Variants in DYSF observed in about 807,000 individuals in gnomAD.
The protein encoded by DYSF is dystrophy-associated fer-1-like 1.
DYSF carries 212 observed loss-of-function variants against 274.9 expected under a neutral mutation model. The observed-to-expected ratio is 0.77, with a 90% CI of 0.69 to 0.86. The LOEUF is 0.86. DYSF is among the 40% of genes least tolerant of loss of function. The pLI is 0.00. For missense variants in DYSF, 2,666 were observed against 2,783.2 expected (o/e 0.96, Z 0.95); for synonymous variants, 1,091 against 1,078.7 (o/e 1.01, Z -0.22).
intron 32 of DYSF, among the ~76,000 whole-genome samples, chr2:71,593,125 C>CTT (rs35900869): frequency 0.014 from 1,206 of 85,472 alleles, 18 homozygotes; most frequent in African/African-American, 0.02. Context: ...TCAGTGACTT[C>CTT]TTTTTTTTTT....
intron 19 of DYSF, 100 bp from the exon 20 acceptor site, chr2:71,552,911 G>A: frequency 1.6e-6 from 2 of 1,258,222 alleles, no homozygotes; most frequent in Non-Finnish European, 1.1e-6. Context: ...GCTATTGGGT[G>A]CCGGTTATGG....
chr2:71,565,186 T>C (rs2092006725), intron 24 of DYSF, among the ~76,000 whole-genome samples: 2 of 151,416 alleles, frequency 1.3e-5, no homozygotes, highest in Non-Finnish European at 2.9e-5. Flanking sequence ...GTTCAAGGGA[T>C]TCTCCTCCCT....
chr2:71,536,724 T>C (rs2089381561), intron 16 of DYSF, among the ~76,000 whole-genome samples: 1 of 152,184 alleles, frequency 6.6e-6, no homozygotes, highest in African/African-American at 2.4e-5. Flanking sequence ...ATTTTTATTG[T>C]GAGTCTATTT....
intron 45 of DYSF, 67 bp downstream of exon 45, chr2:71,660,718 G>T: frequency 7.4e-7 from 1 of 1,352,652 alleles, no homozygotes; most frequent in Non-Finnish European, 1.1e-6. Context: ...TCTAGTGGGG[G>T]AGATGTGACT....
Position 71,466,847 on chromosome 2 carries a change from T to C in DYSF, c.5T>C (p.Leu2Pro). MLCCLLVRASNL... is the reference protein window; with the variant it reads MPCCLLVRASNL... ...TGCCGCCGGGGCTGCCCAGCCATGC[T>C]GTGCTGCCTGCTGGTGAGGGCCAGC... is the stretch of plus-strand genomic sequence containing the variant. Residue 2 changes from leucine (L) to proline (P), a missense_variant, in exon 1 of 56, where the codon CTG (leucine) becomes CCG (proline). Leu to Pro is a moderately conservative substitution (Grantham distance 98). Coordinates refer to ENST00000410020, the MANE Select transcript of DYSF (RefSeq NM_001130987.2). 3 of 1,531,564 alleles carry C rather than the reference T, an allele frequency of 2.0e-6. No homozygotes were observed. The highest frequency in any genetic ancestry group is 2.6e-6 in the Non-Finnish European group (3 of 1,132,128). The allele number at this position is 1,531,564 out of a possible 1,614,324, so 94.9% of individuals were successfully genotyped here. A position where few individuals can be genotyped will look rare whatever the true frequency, so the allele number is the denominator to read the frequency against.
chr2:71,517,437 C>T (rs2086777197), intron 10 of DYSF, among the ~76,000 whole-genome samples: 1 of 152,180 alleles, frequency 6.6e-6, no homozygotes, highest in Admixed American at 6.5e-5. Context: ...TTTCAGACCT[C>T]CTGAGAATGA....
At chr2:71,535,820 C>T (rs1184563203) in intron 16 of DYSF, among the ~76,000 whole-genome samples, 2 of 152,154 alleles carry the variant, frequency 1.3e-5, no homozygotes, top group Admixed American at 1.3e-4. Flanking sequence ...GACAGCAGCT[C>T]ACGGGCGTCT....
intron 12 of DYSF, among the ~76,000 whole-genome samples, chr2:71,524,206 T>C (rs1438979183): frequency 6.6e-6 from 1 of 152,234 alleles, no homozygotes; most frequent in Non-Finnish European, 1.5e-5. Flanking sequence ...GGAAAATGTA[T>C]TGGTCTTTCC....
intron 41 of DYSF, among the ~76,000 whole-genome samples, chr2:71,630,078 T>C (rs1185569321): frequency 2.0e-5 from 3 of 152,172 alleles, no homozygotes; most frequent in Admixed American, 6.5e-5. Flanking sequence ...TTCTTTTTTT[T>C]CCTTGTGTTT....
chr2:71,500,369 C>T (rs1238084874), intron 3 of DYSF, among the ~76,000 whole-genome samples: 1 of 152,176 alleles, frequency 6.6e-6, no homozygotes, highest in Non-Finnish European at 1.5e-5. Flanking sequence ...ATTTCCAGCC[C>T]TTCCTTCTAC....
chr2:71,589,049 T>C (rs1024730473), intron 30 of DYSF, among the ~76,000 whole-genome samples: 1 of 152,196 alleles, frequency 6.6e-6, no homozygotes, highest in African/African-American at 2.4e-5. Flanking sequence ...CGAGCCTGAC[T>C]GTCCACCCAC....
intron 16 of DYSF, among the ~76,000 whole-genome samples, chr2:71,536,414 CA>C (rs2089342871): frequency 6.6e-6 from 1 of 152,232 alleles, no homozygotes; most frequent in Non-Finnish European, 1.5e-5. Context: ...GGAGAGGCCG[CA>C]AGGGCAGCGA....
chr2:71,513,918 C>T lies in DYSF; in HGVS notation c.756C>T (p.Phe252=). The T allele has an allele frequency of 6.2e-7, 1 of 1,614,158 alleles. No individual in the cohort carries two copies. Residue 252 remains phenylalanine (F), a synonymous_variant, in exon 7 of 56, where the codon TTC becomes TTT. Transcript: ENST00000410020. ...TGCTGTCAGACAAACCGCAGGATTTCCAGGTGATGAACGGGCTTTCTCTGA... is the reference window on the plus strand; with the variant it reads ...TGCTGTCAGACAAACCGCAGGATTTTCAGGTGATGAACGGGCTTTCTCTGA... ...RKLLSDKPQD[F]QIRVQVIEGR... is the part of the protein sequence containing the mutation.
chr2:71,619,596 T>G (rs767162650), intron 40 of DYSF, among the ~76,000 whole-genome samples: 5 of 152,186 alleles, frequency 3.3e-5, no homozygotes, highest in African/African-American at 9.6e-5. Context: ...GCTTAGAGGT[T>G]GAGGGGCCAG....
In DYSF at chr2:71,481,920, C is replaced by T; in HGVS notation, c.189C>T (p.Gly63=). Residue 63 remains glycine, a synonymous_variant, in exon 3 of 56, where the codon GGC becomes GGT. Transcript: ENST00000410020. ...TCAAGGGCATCCCCCTGGACCAGGGCTCTGAGCTTCATGTGGTGGTCAAAG... is the reference window on the plus strand; with the variant it reads ...TCAAGGGCATCCCCCTGGACCAGGGTTCTGAGCTTCATGTGGTGGTCAAAG... ...WDLKGIPLDQ[G]SELHVVVKDH... is the part of the protein sequence containing the mutation. 6.2e-7 allele frequency: 1 copy of T among 1,614,160 alleles called. No individual in the cohort carries two copies. The highest frequency in any genetic ancestry group is 8.5e-7 in the Non-Finnish European group (1 of 1,180,020).
intron 11 of DYSF, 60 bp downstream of exon 11, chr2:71,520,268 C>T: frequency 6.3e-7 from 1 of 1,578,586 alleles, no homozygotes. Context: ...TGATTGGGGA[C>T]ACTCATTTGG....
At position 71,569,946 on chromosome 2, in the gene DYSF, A is replaced by T. The variant is rs370214570; in HGVS notation, c.2979+12A>T. 13 of 1,611,224 alleles carry T rather than the reference A, an allele frequency of 8.1e-6. No homozygotes were observed. The African/African-American group carries it at 1.7e-4, about 22-fold the overall frequency. On this transcript the variant is annotated intron_variant, in intron 27 of 55. Transcript: ENST00000410020. ...ACTACACCGATGTGGTAAAGCAGGC[A>T]CTCAGGGGCAGGTGGGGTCTAGACA...
chr2:71,552,949 C>T (rs1167127436), intron 19 of DYSF, 62 bp from the exon 20 acceptor site: 4 of 1,584,976 alleles, frequency 2.5e-6, no homozygotes, highest in Admixed American at 1.7e-5. Flanking sequence ...TATGTCCCCT[C>T]CCCAGCCTGG....
chr2:71,654,627 A>G (rs1474358009), intron 42 of DYSF, among the ~76,000 whole-genome samples: 1 of 151,996 alleles, frequency 6.6e-6, no homozygotes, highest in Non-Finnish European at 1.5e-5. Flanking sequence ...TACAGAAAAT[A>G]AAAATAATAA....
Sources: allele counts gnomAD v4.1 joint callset (sites outside exome capture counted in the v4.1 genomes callset), GRCh38; gene constraint gnomAD v4.1.1; transcripts MANE v1.5; gene names NCBI Gene and HGNC (gene_info 2026-07-23, HGNC 2026-07-21).